Variants in ZEB1 observed in about 807,000 individuals in gnomAD.
The protein encoded by ZEB1 is zinc finger E-box-binding homeobox 1.
Under a neutral mutation model 84.9 loss-of-function variants are expected in ZEB1, and 21 were observed. The ratio of observed to expected loss-of-function variants is 0.25; its 90% CI spans 0.18 to 0.36. ZEB1 has a LOEUF of 0.36. Among genes scored for constraint, ZEB1 ranks in the 10% least tolerant of loss-of-function variants. The pLI is 1.00. For synonymous variants in ZEB1, 420 were observed against 471.1 expected (o/e 0.89, Z 1.41); for missense variants, 1,104 against 1,330.2 (o/e 0.83, Z 2.65).
intron 1 of ZEB1, among the ~76,000 whole-genome samples, chr10:31,412,529 G>A (rs1164388472): frequency 1.3e-5 from 2 of 152,136 alleles, no homozygotes; most frequent in Admixed American, 6.5e-5. Context: ...CTGTCCTTGT[G>A]ATAGTTTGCT....
At chr10:31,453,606 G>C (rs2060850375) in intron 1 of ZEB1, among the ~76,000 whole-genome samples, 2 of 151,998 alleles carry the variant, frequency 1.3e-5, no homozygotes, top group African/African-American at 4.8e-5. Flanking sequence ...AATAATATGT[G>C]AAAGTTCTTG....
chr10:31,521,861 A>T lies in ZEB1; in HGVS notation c.2529A>T (p.Ala843=). 1 of 1,614,056 alleles carries T rather than the reference A, an allele frequency of 6.2e-7. No homozygotes were observed. Residue 843 remains alanine, a synonymous_variant, in exon 7 of 9, where the codon GCA becomes GCT. Transcript: ENST00000424869. ...NKQTILIPQV[A]YTYSTTVSPA... ...AAACGATTCTGATTCCCCAGGTGGCATACACCTACTCAACTACGGTCAGCC... is the reference window on the plus strand; with the variant it reads ...AAACGATTCTGATTCCCCAGGTGGCTTACACCTACTCAACTACGGTCAGCC...
chr10:31,349,186 C>T (rs760270869), intron 1 of ZEB1, among the ~76,000 whole-genome samples: 1 of 152,098 alleles, frequency 6.6e-6, no homozygotes, highest in African/African-American at 2.4e-5. Context: ...CTTTCTGTGC[C>T]TTAGCTTATT....
At chr10:31,325,758 CTGTT>C (rs1216622305) in intron 1 of ZEB1, among the ~76,000 whole-genome samples, 8 of 151,786 alleles carry the variant, frequency 5.3e-5, no homozygotes, top group Non-Finnish European at 4.4e-5. Flanking sequence ...TGAAAGTCCT[CTGTT>C]TTCTCTTTTT....
chr10:31,375,192 GT>G (rs1333566750), intron 1 of ZEB1, among the ~76,000 whole-genome samples: 1 of 151,318 alleles, frequency 6.6e-6, no homozygotes, highest in African/African-American at 2.4e-5. Context: ...TCTAAATTTA[GT>G]TTTTTTCTGG....
intron 1 of ZEB1, among the ~76,000 whole-genome samples, chr10:31,457,338 A>G (rs1314318399): frequency 7.4e-6 from 1 of 134,442 alleles, no homozygotes; most frequent in African/African-American, 2.8e-5. Flanking sequence ...CACAAACAAA[A>G]TGATAGATTC....
chr10:31,472,504 C>T (rs1021544333), intron 2 of ZEB1, among the ~76,000 whole-genome samples: 1 of 151,124 alleles, frequency 6.6e-6, no homozygotes, highest in East Asian at 2.0e-4. Context: ...CAAGACTAAA[C>T]CAGGAAGAAG....
intron 1 of ZEB1, chr10:31,321,685 G>A: frequency 9.5e-7 from 1 of 1,054,076 alleles, no homozygotes; most frequent in Non-Finnish European, 1.5e-6. Flanking sequence ...ATGTTTACCT[G>A]AACAGGAAAG....
intron 2 of ZEB1, among the ~76,000 whole-genome samples, chr10:31,494,513 A>G (rs2066963063): frequency 2.0e-5 from 3 of 152,138 alleles, no homozygotes; most frequent in Admixed American, 6.6e-5. Context: ...GGATGCAAAG[A>G]TTTTACTTGA....
At chr10:31,482,754 G>GA (rs1374751975) in intron 2 of ZEB1, among the ~76,000 whole-genome samples, 3 of 151,790 alleles carry the variant, frequency 2.0e-5, no homozygotes, top group Non-Finnish European at 2.9e-5. Flanking sequence ...TGTATTACCT[G>GA]AAAAAAGTTG....
chr10:31,469,206 A>G (rs552178451), intron 2 of ZEB1, among the ~76,000 whole-genome samples: 4 of 152,178 alleles, frequency 2.6e-5, no homozygotes, highest in African/African-American at 4.8e-5. Context: ...AATTAACCCA[A>G]TCAGAAAATG....
chr10:31,387,073 T>C, intron 1 of ZEB1: 2 of 984,560 alleles, frequency 2.0e-6, no homozygotes, highest in African/African-American at 3.5e-5. Flanking sequence ...ATAAGCTTGA[T>C]CAAAATAGTT....
upstream of ZEB1, chr10:31,318,859 G>A: frequency 2.9e-6 from 1 of 349,324 alleles, no homozygotes; most frequent in South Asian, 2.3e-5. Flanking sequence ...GGTGTGGCCA[G>A]CGCGGAGGCA....
chr10:31,441,228 A>C (rs1285381008), intron 1 of ZEB1, among the ~76,000 whole-genome samples: 1 of 152,232 alleles, frequency 6.6e-6, no homozygotes, highest in Non-Finnish European at 1.5e-5. Context: ...AATGGAACAG[A>C]ACAGAGGCCT....
chr10:31,389,203 TC>T (rs2135162980), intron 1 of ZEB1, among the ~76,000 whole-genome samples: 1 of 152,134 alleles, frequency 6.6e-6, no homozygotes, highest in Middle Eastern at 3.4e-3. Flanking sequence ...AACTTATCCA[TC>T]TCAATTCATA....
chr10:31,393,674 C>A (rs759877131), intron 1 of ZEB1, among the ~76,000 whole-genome samples: 5 of 152,108 alleles, frequency 3.3e-5, no homozygotes, highest in Non-Finnish European at 7.4e-5. Context: ...TGTGTGTAGA[C>A]AATGACTAAA....
Position 31,363,348 on chromosome 10 carries a change from G to A in ZEB1, c.58+44056G>A. The A allele has an allele frequency of 3.9e-6, 6 of 1,534,200 alleles. 1 individual carries two copies. The highest frequency in any genetic ancestry group is 5.2e-6 in the Non-Finnish European group (6 of 1,146,680). On this transcript the variant is annotated intron_variant, in intron 1 of 8. Transcript: ENST00000424869. ...GTGAACTGGCGACTCCATGGCCCTT[G>A]GAGTAGAAACTCACTGCATGCACCT... is the stretch of plus-strand genomic sequence containing the variant.
intron 8 of ZEB1, among the ~76,000 whole-genome samples, chr10:31,525,044 T>C (rs984776766): frequency 2.0e-5 from 3 of 152,246 alleles, no homozygotes; most frequent in African/African-American, 7.2e-5. Flanking sequence ...GTTTTTGATT[T>C]TGTTTTTACA....
At chr10:31,450,899 C>T (rs1011651093) in intron 1 of ZEB1, among the ~76,000 whole-genome samples, 2 of 140,686 alleles carry the variant, frequency 1.4e-5, no homozygotes, top group East Asian at 1.9e-4. Flanking sequence ...TGCGTGCGTG[C>T]GCATGTGTGC....
Sources: gnomAD v4.1 joint callset for allele counts (sites outside exome capture counted in the v4.1 genomes callset) on GRCh38, gnomAD v4.1.1 for gene constraint, MANE v1.5 for transcripts, NCBI Gene and HGNC (gene_info 2026-07-23, HGNC 2026-07-21) for gene names.